The following FAM186B variants were observed in gnomAD, a reference collection of about 807,000 sequenced individuals.
The protein encoded by FAM186B is family with sequence similarity 186 member B.
Under a neutral mutation model 83.4 loss-of-function variants are expected in FAM186B, and 68 were observed. That is an observed-to-expected ratio of 0.81 (90% CI 0.67 to 1.00). FAM186B has a LOEUF of 1.00. FAM186B is among the 50% of genes least tolerant of loss of function. The probability of loss-of-function intolerance (pLI) is 0.00; values close to 1 mark genes in which losing one functional copy is unlikely to be tolerated. For synonymous variants in FAM186B, 389 were observed against 422.0 expected, an observed-to-expected ratio of 0.92 and a Z score of 0.96; for missense variants, 983 against 1,099.2, an observed-to-expected ratio of 0.89 and a Z score of 1.49.
chr12:49,598,805 C>G lies in FAM186B; in HGVS notation c.2314G>C (p.Glu772Gln). Residue 772 changes from glutamate (E) to glutamine (Q), a missense_variant, in exon 5 of 7, where the codon GAG becomes CAG. Coordinates refer to ENST00000257894, the MANE Select transcript of FAM186B (RefSeq NM_032130.3). ...QAWTDKQKGL[E>Q]EKHRECLSSM... The stretch of plus-strand genomic sequence containing the variant: ...CTCAGGCACTCTCGGTGCTTCTCCT[C>G]CAGCCCCTTCTGCTTGTCCGTCCAG... 6.2e-7 allele frequency: 1 copy of G among 1,612,764 alleles called. No individual in the cohort carries two copies. Among genetic ancestry groups the G allele is most frequent in the Non-Finnish European group, 8.5e-7 (1 of 1,179,830 alleles).
chr12:49,600,784 G>A lies in FAM186B; in HGVS notation c.856C>T (p.Leu286Phe). ...AGCAGAGCATCCCTCCTGCTCTCAAGGACCTCCATGAACTGCTGGAAGTGC... is the reference window on the plus strand; with the variant it reads ...AGCAGAGCATCCCTCCTGCTCTCAAAGACCTCCATGAACTGCTGGAAGTGC... ...RLHFQQFMEV[L>F]ESRRDALLKQ... The change falls in exon 4 of 7, where the codon CTT becomes TTT. Residue 286 changes from leucine (L) to phenylalanine (F), a missense_variant. Transcript: ENST00000257894. The surrounding 1 kb of genome is among the most constrained non-coding windows in gnomAD (Gnocchi z 4.3). 3.1e-6 allele frequency: 5 copies of A among 1,613,010 alleles called. No homozygotes were observed. Among genetic ancestry groups the A allele is most frequent in the South Asian group, 1.1e-5 (1 of 90,966 alleles).
At chr12:49,594,428 A>C (rs967798600) in intron 5 of FAM186B, among the ~76,000 whole-genome samples, 2 of 152,238 alleles carry the variant, frequency 1.3e-5, no homozygotes, top group African/African-American at 4.8e-5. Flanking sequence ...CAAACCCTTT[A>C]TACACTGTTT....
chr12:49,603,073 C>T, intron 3 of FAM186B, 112 bp downstream of exon 3: 1 of 1,204,618 alleles, frequency 8.3e-7, no homozygotes, highest in South Asian at 1.3e-5. Flanking sequence ...TCAAATCAAA[C>T]TTCTGTGATG....
intron 4 of FAM186B, among the ~76,000 whole-genome samples, 180 bp from the exon 5 acceptor site, chr12:49,599,127 CA>C (rs139849714): frequency 7.6e-4 from 115 of 151,992 alleles, no homozygotes; most frequent in African/African-American, 2.4e-3. Context: ...TGAGGAGCCT[CA>C]GGGCTGGGAT....
intron 5 of FAM186B, among the ~76,000 whole-genome samples, chr12:49,592,566 A>G (rs1401366796): frequency 1.3e-5 from 2 of 152,076 alleles, no homozygotes; most frequent in Non-Finnish European, 2.9e-5. Flanking sequence ...GGTGGATCAC[A>G]TGAGGCCAGG....
At position 49,597,951 on chromosome 12, in the gene FAM186B, T is replaced by C. The variant is rs1441613434; in HGVS notation, c.2364+804A>G. 2.0e-5 allele frequency among the ~76,000 whole-genome samples: 3 copies of C among 152,118 alleles called. No individual in the cohort carries two copies. The East Asian group carries it at 5.8e-4, about 29-fold the overall frequency. Reference sequence around the variant, plus strand: ...GGTGGGTACCTATAATCCCAGCTACTCGGGAGACTGAGGCAGGAGAATAGC... The same window carrying C: ...GGTGGGTACCTATAATCCCAGCTACCCGGGAGACTGAGGCAGGAGAATAGC... On this transcript the variant is annotated intron_variant, in intron 5 of 6. Coordinates refer to ENST00000257894, the MANE Select transcript of FAM186B (RefSeq NM_032130.3).
the FAM186B span, among the ~76,000 whole-genome samples, chr12:49,620,780 C>T: frequency 2.0e-5 from 3 of 152,112 alleles, no homozygotes; most frequent in African/African-American, 7.2e-5. Flanking sequence ...TTCAAGCACT[C>T]ATGGAAGGTA....
intron 2 of FAM186B, 22 bp from the exon 3 acceptor site, chr12:49,603,389 C>G (rs757052278): frequency 6.2e-7 from 1 of 1,613,320 alleles, no homozygotes; most frequent in Non-Finnish European, 8.5e-7. Flanking sequence ...ATGGGAGGTG[C>G]AGGCTGAGAG....
the FAM186B span, chr12:49,619,429 A>G: frequency 1.8e-6 from 1 of 559,374 alleles, no homozygotes; most frequent in Admixed American, 2.7e-5. Context: ...TCCCCACTGG[A>G]ATGGCAGGTT....
At position 49,600,096 on chromosome 12, in the gene FAM186B, T is replaced by C. The variant is rs1939840552; in HGVS notation, c.1544A>G (p.Gln515Arg). The change falls in exon 4 of 7, where the codon CAG becomes CGG. Residue 515 changes from glutamine (Q) to arginine (R), a missense_variant. Transcript: ENST00000257894. This position sits in a 1 kb window ranked among gnomAD's most constrained non-coding sequence, Gnocchi z 4.3. Reference protein sequence around the residue: ...KKWALLEQEHQEKLRQWNLED... With the variant: ...KKWALLEQEHREKLRQWNLED... ...CAGATTCCACTGCCGCAGCTTCTCC[T>C]GATGCTCCTGCTCCAGCAGGGCCCA... The C allele has an allele frequency of 2.5e-6, 4 of 1,611,298 alleles. No individual in the cohort carries two copies. Among genetic ancestry groups the C allele is most frequent in the Non-Finnish European group, 3.4e-6 (4 of 1,178,602 alleles).
At position 49,604,497 on chromosome 12, in the gene FAM186B, A is replaced by G; in HGVS notation, c.138T>C (p.Asn46=). The G allele has an allele frequency of 6.2e-7, 1 of 1,614,182 alleles. No homozygotes were observed. The highest frequency in any genetic ancestry group is 2.2e-5 in the East Asian group (1 of 44,884). The change falls in exon 2 of 7, where the codon AAT becomes AAC. Residue 46 remains asparagine (N), a synonymous_variant. Coordinates refer to ENST00000257894, the MANE Select transcript of FAM186B (RefSeq NM_032130.3). The part of the protein sequence containing the change: ...TQLSDILDNV[N]CVINRFQEEL... ...CTTCCTGGAAGCGGTTGATGACACA[A>G]TTGACATTGTCCAAAATGTCTGAGA... is the stretch of plus-strand genomic sequence containing the variant.
chr12:49,604,203 C>T (rs193206220), intron 2 of FAM186B, 110 bp downstream of exon 2: 150 of 807,512 alleles, frequency 1.9e-4, no homozygotes, highest in Admixed American at 1.0e-3. Context: ...TGCTGTGACA[C>T]GAGTGGTGGA....
In FAM186B at chr12:49,598,938, C is replaced by T. The variant is rs200474377; in HGVS notation, c.2181G>A (p.Ala727=). ...YRRLQSLRQE[A]INHVQIMKET... Reference sequence around the variant, plus strand: ...CTTTCATGATTTGTACATGGTTGATCGCTTCTTGCCTGGGAAAAGAGGAGA... The same window carrying T: ...CTTTCATGATTTGTACATGGTTGATTGCTTCTTGCCTGGGAAAAGAGGAGA... Residue 727 remains alanine, a synonymous_variant, in exon 5 of 7, where the codon GCG becomes GCA. Coordinates refer to ENST00000257894, the MANE Select transcript of FAM186B (RefSeq NM_032130.3). 28 of 1,613,408 alleles carry T rather than the reference C, an allele frequency of 1.7e-5. No homozygotes were observed. The highest frequency in any genetic ancestry group is 1.1e-4 in the East Asian group (5 of 44,866).
chr12:49,603,897 G>T (rs188809249), intron 2 of FAM186B, among the ~76,000 whole-genome samples: 1 of 152,134 alleles, frequency 6.6e-6, no homozygotes, highest in Non-Finnish European at 1.5e-5. Flanking sequence ...TGAGCTGAGT[G>T]GGGGGTAGCA....
At chr12:49,587,375 C>G, downstream of FAM186B, 1 of 576,006 alleles carries the variant, frequency 1.7e-6, no homozygotes, top group African/African-American at 1.9e-5. Flanking sequence ...CTGGTGGCCT[C>G]TGAGACACTA....
chr12:49,614,477 A>C, the FAM186B span, among the ~76,000 whole-genome samples: 3 of 152,246 alleles, frequency 2.0e-5, no homozygotes, highest in African/African-American at 7.2e-5. Context: ...TAATGCAAGA[A>C]TAGAAAACCA....
In FAM186B at chr12:49,603,220, G is replaced by C. The variant is rs775742863; in HGVS notation, c.470C>G (p.Ser157Cys). The C allele has an allele frequency of 1.4e-5, 22 of 1,614,060 alleles. No individual in the cohort carries two copies. The highest frequency in any genetic ancestry group is 1.6e-4 in the Middle Eastern group (1 of 6,084). The change falls in exon 3 of 7, where the codon TCC becomes TGC. Residue 157 changes from serine (S) to cysteine (C), a missense_variant. Transcript: ENST00000257894. ...RGIESLTALC[S>C]TLIEGQKKRS... ...TTTCTTTTGTCCTTCAATGAGAGTG[G>C]AGCAAAGGGCAGTGAGTGACTCGAT... is the stretch of plus-strand genomic sequence containing the variant.
chr12:49,611,579 G>A, the FAM186B span, among the ~76,000 whole-genome samples: 2 of 139,512 alleles, frequency 1.4e-5, no homozygotes, highest in African/African-American at 5.4e-5. Flanking sequence ...TAAAAATGTA[G>A]GCCGGGCGCA....
intron 5 of FAM186B, among the ~76,000 whole-genome samples, chr12:49,592,143 ATAT>A (rs1939594314): frequency 6.6e-6 from 1 of 152,332 alleles, no homozygotes; most frequent in African/African-American, 2.4e-5. Context: ...ACATGAAATA[ATAT>A]TATTTGAAAG....
Sources: gnomAD v4.1 joint callset for allele counts (sites outside exome capture counted in the v4.1 genomes callset) on GRCh38, gnomAD v4.1.1 for gene constraint, Gnocchi (gnomAD v3.1) non-coding constraint, MANE v1.5 for transcripts, NCBI Gene and HGNC (gene_info 2026-07-23, HGNC 2026-07-21) for gene names.